The following DAPP1 variants were observed in gnomAD, a reference collection of about 807,000 sequenced individuals.
DAPP1 encodes the protein dual adaptor of phosphotyrosine and 3-phosphoinositides 1.
DAPP1 carries 20 observed loss-of-function variants against 41.5 expected under a neutral mutation model. That is an observed-to-expected ratio of 0.48 (90% CI 0.34 to 0.70). DAPP1 has a LOEUF of 0.70. DAPP1 is among the 30% of genes least tolerant of loss of function. The probability of loss-of-function intolerance (pLI) is 0.01; values close to 1 mark genes in which losing one functional copy is unlikely to be tolerated. For missense variants in DAPP1, 233 were observed against 333.4 expected, an observed-to-expected ratio of 0.70 and a Z score of 2.35; for synonymous variants, 113 against 116.2, an observed-to-expected ratio of 0.97 and a Z score of 0.18.
chr4:99,862,871 A>G lies in DAPP1; in HGVS notation c.538-139A>G, dbSNP rs1261663596. 8 of 568,952 alleles carry G rather than the reference A, an allele frequency of 1.4e-5. No homozygotes were observed. In the East Asian group the frequency reaches 2.1e-4, roughly 15 times the overall value. 35.2% of individuals were successfully genotyped at this position (568,952 alleles called of 1,614,324 possible). A position where few individuals can be genotyped will look rare whatever the true frequency, so the allele number is the denominator to read the frequency against. ...AAACTTTTTTCTCAGAAATGACACAAAAGAATTTTTTCAGGGTTATAGTAT... is the reference window on the plus strand; with the variant it reads ...AAACTTTTTTCTCAGAAATGACACAGAAGAATTTTTTCAGGGTTATAGTAT... On this transcript the variant is annotated intron_variant, in intron 5 of 8. Coordinates refer to ENST00000512369, the MANE Select transcript of DAPP1 (RefSeq NM_014395.3).
chr4:99,822,700 A>T (rs1722812838), intron 1 of DAPP1, among the ~76,000 whole-genome samples: 1 of 152,048 alleles, frequency 6.6e-6, no homozygotes, highest in Non-Finnish European at 1.5e-5. Context: ...ATCTCATCCT[A>T]TGAGAAGCTT....
At chr4:99,867,847 T>C (rs1307139476) in intron 8 of DAPP1, among the ~76,000 whole-genome samples, 2 of 152,190 alleles carry the variant, frequency 1.3e-5, no homozygotes, top group East Asian at 3.8e-4. Flanking sequence ...TTGAATAGTA[T>C]TGCATTTTAT....
rs1724534486 is a variant in DAPP1, at chr4:99,868,311, G to A, written c.*126G>A. 1.2e-6 allele frequency: 1 copy of A among 849,396 alleles called. No homozygotes were observed. The highest frequency in any genetic ancestry group is 1.9e-6 in the Non-Finnish European group (1 of 526,876). The allele number at this position is 849,396 out of a possible 1,614,324, so 52.6% of individuals were successfully genotyped here. A position where few individuals can be genotyped will look rare whatever the true frequency, so the allele number is the denominator to read the frequency against. On this transcript the variant is annotated 3_prime_UTR_variant, in exon 9 of 9. Transcript: ENST00000512369. Reference sequence around the variant, plus strand: ...TTCTTTCAAAAACAAATCAGAAGCAGATGCTGATTGGGACCCATATACCAC... The same window carrying A: ...TTCTTTCAAAAACAAATCAGAAGCAAATGCTGATTGGGACCCATATACCAC...
At chr4:99,840,139 T>A (rs1403839708) in intron 2 of DAPP1, 150 bp from the exon 3 acceptor site, 1 of 472,052 alleles carries the variant, frequency 2.1e-6, no homozygotes, top group Non-Finnish European at 3.6e-6. Context: ...AAACTAGTGA[T>A]GCTATTTAAA....
downstream of DAPP1, among the ~76,000 whole-genome samples, chr4:99,870,503 C>T (rs1335974298): frequency 6.6e-6 from 1 of 152,058 alleles, no homozygotes; most frequent in Non-Finnish European, 1.5e-5. Context: ...CTAACATGTA[C>T]CTGCTATGTA....
At chr4:99,831,981 A>G (rs1723137981) in intron 1 of DAPP1, among the ~76,000 whole-genome samples, 1 of 152,148 alleles carries the variant, frequency 6.6e-6, no homozygotes, top group Admixed American at 6.5e-5. Flanking sequence ...CTTAAAAAAA[A>G]AAAAACAGGT....
At chr4:99,841,904 A>G (rs574777727) in intron 3 of DAPP1, among the ~76,000 whole-genome samples, 2 of 152,314 alleles carry the variant, frequency 1.3e-5, no homozygotes, top group East Asian at 1.9e-4. Flanking sequence ...AACCAAAGAC[A>G]GCTCCCTTCT....
chr4:99,841,462 A>AC (rs1038312310), intron 3 of DAPP1, among the ~76,000 whole-genome samples: 3 of 152,206 alleles, frequency 2.0e-5, no homozygotes, highest in Non-Finnish European at 2.9e-5. Flanking sequence ...TGAAGTTATA[A>AC]CCTTTTTTTC....
chr4:99,865,957 TTATATATATTATATA>T, intron 7 of DAPP1, 62 bp from the exon 8 acceptor site: 1 of 58,368 alleles, frequency 1.7e-5, no homozygotes, highest in Non-Finnish European at 3.3e-5. Context: ...ATATATTATA[TTATATATATTATATA>T]TATATATATA....
At chr4:99,837,572 GCT>G (rs1723344942) in intron 2 of DAPP1, among the ~76,000 whole-genome samples, 1 of 152,156 alleles carries the variant, frequency 6.6e-6, no homozygotes, top group Non-Finnish European at 1.5e-5. Flanking sequence ...CAAGAATTGT[GCT>G]TTCTCTGCTC....
chr4:99,832,054 T>C (rs1723141440), intron 1 of DAPP1, among the ~76,000 whole-genome samples: 1 of 152,254 alleles, frequency 6.6e-6, no homozygotes, highest in Non-Finnish European at 1.5e-5. Flanking sequence ...TCTTTCTTTT[T>C]AGAACATCCC....
chr4:99,835,760 G>A lies in DAPP1; in HGVS notation c.224+15G>A, dbSNP rs183887987. The A allele has an allele frequency of 6.2e-6, 10 of 1,612,366 alleles. No homozygotes were observed. In the Admixed American group the frequency reaches 1.7e-4, roughly 27 times the overall value. On this transcript the variant is annotated intron_variant, in intron 2 of 8. Coordinates refer to ENST00000512369, the MANE Select transcript of DAPP1 (RefSeq NM_014395.3). ...CTCTCTGTGAGGTAAGGTGCTTCAG[G>A]GCTCTACGACTTCAGCATGGGCTCC...
chr4:99,835,529 AATGT>A (rs1187651848), intron 1 of DAPP1, 90 bp from the exon 2 acceptor site: 3 of 1,527,042 alleles, frequency 2.0e-6, no homozygotes, highest in Non-Finnish European at 2.6e-6. Flanking sequence ...TATCTTGAAG[AATGT>A]TGCTAGGTAA....
intron 3 of DAPP1, among the ~76,000 whole-genome samples, chr4:99,849,092 A>C (rs1307980202): frequency 6.6e-6 from 1 of 151,882 alleles, no homozygotes; most frequent in Non-Finnish European, 1.5e-5. Flanking sequence ...TGTCATCTTC[A>C]TCTCACAATT....
At position 99,861,619 on chromosome 4, in the gene DAPP1, G is replaced by A; in HGVS notation, c.531G>A (p.Leu177=). ...GTTACCTCACCAAACAGGGAGGCCTGGTCAAGGTAAGGAAGTGTGGTTTTG... is the reference window on the plus strand; with the variant it reads ...GTTACCTCACCAAACAGGGAGGCCTAGTCAAGGTAAGGAAGTGTGGTTTTG... ...KEGYLTKQGG[L]VKTWKTRWFT... The change falls in exon 5 of 9, where the codon CTG becomes CTA. Residue 177 remains leucine, a synonymous_variant. Coordinates refer to ENST00000512369, the MANE Select transcript of DAPP1 (RefSeq NM_014395.3). 1.3e-6 allele frequency: 2 copies of A among 1,573,020 alleles called. No homozygotes were observed. Among genetic ancestry groups the A allele is most frequent in the East Asian group, 2.3e-5 (1 of 42,988 alleles).
intron 1 of DAPP1, among the ~76,000 whole-genome samples, chr4:99,832,355 A>G (rs1723155034): frequency 6.6e-6 from 1 of 152,264 alleles, no homozygotes; most frequent in Admixed American, 6.5e-5. Flanking sequence ...ATTAGGATAT[A>G]CATTCACTCC....
At chr4:99,866,654 G>A (rs1292038468) in intron 8 of DAPP1, 1 of 756,822 alleles carries the variant, frequency 1.3e-6, no homozygotes, top group Non-Finnish European at 2.4e-6. Flanking sequence ...TCTTCTACTT[G>A]TTTTTCATGT....
intron 4 of DAPP1, among the ~76,000 whole-genome samples, chr4:99,855,346 C>T (rs1311398394): frequency 2.0e-5 from 3 of 152,164 alleles, no homozygotes; most frequent in African/African-American, 4.8e-5. Flanking sequence ...TCCTATTAAG[C>T]GTGTTCTTTA....
intron 5 of DAPP1, among the ~76,000 whole-genome samples, chr4:99,862,796 AT>A (rs1724285415): frequency 6.6e-6 from 1 of 151,772 alleles, no homozygotes; most frequent in African/African-American, 2.4e-5. Context: ...ACACAAAAGA[AT>A]TTTTTGAGCT....
Sources: gnomAD v4.1 joint callset for allele counts (sites outside exome capture counted in the v4.1 genomes callset) on GRCh38, gnomAD v4.1.1 for gene constraint, MANE v1.5 for transcripts, NCBI Gene and HGNC (gene_info 2026-07-23, HGNC 2026-07-21) for gene names.